CMIP: variants seen among roughly 807,000 people sequenced by gnomAD.
CMIP encodes the protein C-Maf-inducing protein.
In CMIP, 13 loss-of-function variants were observed where a neutral mutation model predicts 97.3. The ratio of observed to expected loss-of-function variants is 0.13; its 90% CI spans 0.09 to 0.21. The LOEUF (loss-of-function observed/expected upper bound fraction) is 0.21. CMIP is among the 10% of genes least tolerant of loss of function. The pLI, the probability that CMIP is intolerant of heterozygous loss-of-function variation, is 1.00. For missense variants in CMIP, 847 were observed against 1,024.9 expected, an observed-to-expected ratio of 0.83 and a Z score of 2.37; for synonymous variants, 538 against 436.3, an observed-to-expected ratio of 1.23 and a Z score of -2.91.
At chr16:81,661,409 G>A (rs1396686884) in intron 6 of CMIP, among the ~76,000 whole-genome samples, 2 of 152,232 alleles carry the variant, frequency 1.3e-5, no homozygotes, top group East Asian at 1.9e-4. Context: ...CCTTGCAGTG[G>A]GATTCACATA....
chr16:81,701,559 TG>T, intron 15 of CMIP, 100 bp from the exon 16 acceptor site: 1 of 1,523,122 alleles, frequency 6.6e-7, no homozygotes, highest in Non-Finnish European at 9.1e-7. Flanking sequence ...AAGGGGATAG[TG>T]GGGTTGCTGG....
At chr16:81,605,116 T>C (rs1447216611) in intron 1 of CMIP, among the ~76,000 whole-genome samples, 1 of 152,148 alleles carries the variant, frequency 6.6e-6, no homozygotes, top group Non-Finnish European at 1.5e-5. Flanking sequence ...TCTCCGGCAG[T>C]GCTCAGGACA....
At chr16:81,626,489 T>C (rs1006414885) in intron 3 of CMIP, among the ~76,000 whole-genome samples, 1 of 146,268 alleles carries the variant, frequency 6.8e-6, no homozygotes, top group Non-Finnish European at 1.5e-5. Flanking sequence ...GTGACTTTTA[T>C]GAATGTGTGG....
intron 1 of CMIP, among the ~76,000 whole-genome samples, chr16:81,458,396 G>A (rs1417156924): frequency 1.3e-5 from 2 of 152,158 alleles, no homozygotes; most frequent in African/African-American, 2.4e-5. Flanking sequence ...GGGTTCTTCT[G>A]TTGCCCCCAG....
chr16:81,505,891 A>T (rs540532222), intron 1 of CMIP, among the ~76,000 whole-genome samples: 1 of 152,376 alleles, frequency 6.6e-6, no homozygotes, highest in Non-Finnish European at 1.5e-5. Context: ...GCTATTCGGG[A>T]GGCTGAGGCA....
intron 3 of CMIP, among the ~76,000 whole-genome samples, chr16:81,629,699 T>A (rs536487005): frequency 6.6e-6 from 1 of 152,336 alleles, no homozygotes; most frequent in Admixed American, 6.5e-5. Context: ...ACATGGACAG[T>A]CCTGTGAGCC....
intron 1 of CMIP, among the ~76,000 whole-genome samples, chr16:81,565,415 C>T (rs1392801640): frequency 1.3e-5 from 2 of 152,202 alleles, no homozygotes; most frequent in Non-Finnish European, 2.9e-5. Flanking sequence ...CATCCCTGCT[C>T]CTCTCTGCAC....
At chr16:81,446,200 T>C (rs1328087940) in intron 1 of CMIP, among the ~76,000 whole-genome samples, 2 of 152,076 alleles carry the variant, frequency 1.3e-5, no homozygotes. Context: ...GGTCGAGTTC[T>C]AGCCTAGAAG....
At chr16:81,459,969 T>A (rs562936406) in intron 1 of CMIP, among the ~76,000 whole-genome samples, 1 of 152,312 alleles carries the variant, frequency 6.6e-6, no homozygotes, top group South Asian at 2.1e-4. Flanking sequence ...CCAAGGGGAC[T>A]TTGGCCACAT....
At chr16:81,539,103 G>A (rs1444478781) in intron 1 of CMIP, among the ~76,000 whole-genome samples, 1 of 152,168 alleles carries the variant, frequency 6.6e-6, no homozygotes, top group East Asian at 1.9e-4. Flanking sequence ...TTCTCCATTC[G>A]CTTGAATGTC....
At chr16:81,703,569 A>G (rs1907663318) in intron 17 of CMIP, among the ~76,000 whole-genome samples, 1 of 151,210 alleles carries the variant, frequency 6.6e-6, no homozygotes, top group Non-Finnish European at 1.5e-5. Context: ...ACAAACGTGC[A>G]CACAGACACA....
In CMIP at chr16:81,655,467, C is replaced by G. The variant is rs901484905; in HGVS notation, c.640-2308C>G. ...TGTTGAGTTGCGTGTAAAGTGGCCG[C>G]TTAGCTCGAGAGTCAGGTGTTCCCT... On this transcript the variant is annotated intron_variant, in intron 4 of 20. Coordinates refer to ENST00000537098, the MANE Select transcript of CMIP (RefSeq NM_198390.3). The surrounding 1 kb of genome is among the most constrained non-coding windows in gnomAD (Gnocchi z 4.9). Among the ~76,000 whole-genome samples the G allele has an allele frequency of 2.0e-5, 3 of 152,198 alleles. No individual in the cohort carries two copies. Among genetic ancestry groups the G allele is most frequent in the African/African-American group, 7.2e-5 (3 of 41,460 alleles).
At chr16:81,473,814 T>TG in intron 1 of CMIP, among the ~76,000 whole-genome samples, 1 of 150,752 alleles carries the variant, frequency 6.6e-6, no homozygotes, top group South Asian at 2.1e-4. Context: ...CACAGTGGTT[T>TG]TTTTTTTTTT....
At chr16:81,587,600 A>G (rs1462484900) in intron 1 of CMIP, among the ~76,000 whole-genome samples, 1 of 152,162 alleles carries the variant, frequency 6.6e-6, no homozygotes, top group Non-Finnish European at 1.5e-5. Flanking sequence ...GGTGCTAGAG[A>G]TGAAGTGGCC....
chr16:81,490,525 C>T (rs1383843493), intron 1 of CMIP, among the ~76,000 whole-genome samples: 2 of 152,140 alleles, frequency 1.3e-5, no homozygotes, highest in Non-Finnish European at 2.9e-5. Flanking sequence ...GCGGCTGAGG[C>T]AGGAGAATTG....
chr16:81,640,406 G>A (rs1057378069), intron 3 of CMIP, among the ~76,000 whole-genome samples: 23 of 151,978 alleles, frequency 1.5e-4, no homozygotes, highest in Non-Finnish European at 2.9e-5. Context: ...GGGGCTGGAC[G>A]GCTCAGCTCG....
chr16:81,704,146 TCCCTATTCC>T (rs1907754638), intron 18 of CMIP, 61 bp downstream of exon 18: 8 of 1,435,254 alleles, frequency 5.6e-6, no homozygotes, highest in Non-Finnish European at 5.6e-6. Context: ...TGCACTCTCC[TCCCTATTCC>T]CCCGTACCAT....
At chr16:81,540,840 C>T (rs1181739659) in intron 1 of CMIP, among the ~76,000 whole-genome samples, 1 of 152,096 alleles carries the variant, frequency 6.6e-6, no homozygotes, top group African/African-American at 2.4e-5. Flanking sequence ...GCCACCACGC[C>T]TGGCTAATTT....
At chr16:81,590,296 C>T (rs79588831) in intron 1 of CMIP, among the ~76,000 whole-genome samples, 1,524 of 152,280 alleles carry the variant, frequency 0.01, 30 homozygotes, top group African/African-American at 0.034. Context: ...CTGGTATTCT[C>T]TTGAAGGCTG....
Sources: allele counts gnomAD v4.1 joint callset (sites outside exome capture counted in the v4.1 genomes callset), GRCh38; gene constraint gnomAD v4.1.1; non-coding constraint Gnocchi (gnomAD v3.1); transcripts MANE v1.5; gene names NCBI Gene and HGNC (gene_info 2026-07-23, HGNC 2026-07-21).